The following BCL2 variants were observed in gnomAD, a reference collection of about 807,000 sequenced individuals.
BCL2 encodes BCL2 apoptosis regulator, also known as apoptosis regulator Bcl-2.
BCL2 carries 1 observed loss-of-function variant against 14.2 expected under a neutral mutation model. The ratio of observed to expected loss-of-function variants is 0.07; its 90% CI spans 0.02 to 0.33. The LOEUF (loss-of-function observed/expected upper bound fraction) is 0.33. Ranked by LOEUF, BCL2 falls within the 10% of genes least tolerant of loss-of-function variation. BCL2 has a pLI of 0.99. For missense variants in BCL2, 247 were observed against 305.9 expected, an observed-to-expected ratio of 0.81 and a Z score of 1.44; for synonymous variants, 151 against 137.2, an observed-to-expected ratio of 1.10 and a Z score of -0.70.
chr18:63,212,460 T>C (rs1307968805), intron 2 of BCL2, among the ~76,000 whole-genome samples: 1 of 151,720 alleles, frequency 6.6e-6, no homozygotes, highest in East Asian at 1.9e-4. Context: ...CCACGTGAAG[T>C]AGACAGTCTC....
chr18:63,169,425 CTCTT>C (rs1239600143), intron 2 of BCL2, among the ~76,000 whole-genome samples: 6 of 117,694 alleles, frequency 5.1e-5, no homozygotes, highest in Middle Eastern at 4.0e-3. Context: ...CTCTCTCTCT[CTCTT>C]TCTTTTTCTT....
intron 2 of BCL2, among the ~76,000 whole-genome samples, chr18:63,260,294 TTTGAAAACGG>T (rs1316742711): frequency 1.3e-5 from 2 of 152,202 alleles, no homozygotes; most frequent in Non-Finnish European, 2.9e-5. Context: ...CAATGTATCA[TTTGAAAACGG>T]AGGCATAGTT....
chr18:63,127,939 T>C lies in BCL2; in HGVS notation c.*686A>G, dbSNP rs1049796772. ...CTTTCCTATGATTTAAGGGCATTTT[T>C]CCCATCGCTGTCCTTCGGCGTGGAA... On this transcript the variant is annotated 3_prime_UTR_variant, in exon 3 of 3. Coordinates refer to ENST00000333681, the MANE Select transcript of BCL2 (RefSeq NM_000633.3). 3 of 225,834 alleles carry C rather than the reference T, an allele frequency of 1.3e-5. No individual in the cohort carries two copies. Among genetic ancestry groups the C allele is most frequent in the African/African-American group, 6.7e-5 (3 of 44,892 alleles). The allele number at this position is 225,834 out of a possible 1,614,324, so 14.0% of individuals were successfully genotyped here.
intron 2 of BCL2, among the ~76,000 whole-genome samples, chr18:63,141,276 G>A (rs1420917231): frequency 6.6e-6 from 1 of 152,194 alleles, no homozygotes; most frequent in African/African-American, 2.4e-5. Context: ...TGCCAGAGCT[G>A]TGTTACTGTA....
intron 2 of BCL2, among the ~76,000 whole-genome samples, chr18:63,311,063 C>G (rs939025698): frequency 6.6e-6 from 1 of 151,344 alleles, no homozygotes; most frequent in Non-Finnish European, 1.5e-5. Flanking sequence ...ATATTTAAAG[C>G]TGATGATATA....
chr18:63,269,015 C>G (rs1269263535), intron 2 of BCL2, among the ~76,000 whole-genome samples: 1 of 151,506 alleles, frequency 6.6e-6, no homozygotes, highest in Non-Finnish European at 1.5e-5. Context: ...GTGGTGTCAT[C>G]ATAGCTCACT....
chr18:63,155,854 C>T (rs1379062756), intron 2 of BCL2, among the ~76,000 whole-genome samples: 5 of 152,120 alleles, frequency 3.3e-5, no homozygotes, highest in Non-Finnish European at 5.9e-5. Flanking sequence ...CCTCTCCCTT[C>T]CTGGGGCCCT....
intron 2 of BCL2, among the ~76,000 whole-genome samples, chr18:63,140,906 G>C (rs1914339112): frequency 6.6e-6 from 1 of 152,194 alleles, no homozygotes; most frequent in Non-Finnish European, 1.5e-5. Context: ...ACTGGCTTGT[G>C]ATGGATCCTC....
intron 2 of BCL2, among the ~76,000 whole-genome samples, chr18:63,265,507 T>G (rs1161090012): frequency 6.6e-6 from 1 of 152,212 alleles, no homozygotes; most frequent in African/African-American, 2.4e-5. Context: ...ATCACTTCTT[T>G]CTTTGAAACA....
rs1239649304 is a variant in BCL2 at position 63,302,252 on chromosome 18, G to A, written c.585+15830C>T. The A allele has an allele frequency of 3.8e-6, 3 of 790,328 alleles. No individual in the cohort carries two copies. In the African/African-American group the frequency reaches 5.7e-5, roughly 15 times the overall value. The allele number at this position is 790,328 out of a possible 1,614,324, so 49.0% of individuals were successfully genotyped here. A position where few individuals can be genotyped will look rare whatever the true frequency, so the allele number is the denominator to read the frequency against. ...GGAGGCTGAGGTTGCAGTGAGCCGG[G>A]ACTGCACCACTGCACTCCAGCCTGG... On this transcript the variant is annotated intron_variant, in intron 2 of 2. Transcript: ENST00000333681.
rs768917760 is a variant in BCL2 at position 63,125,958 on chromosome 18, A to G, written c.*2667T>C. The G allele has an allele frequency of 2.0e-4, 42 of 213,196 alleles. No homozygotes were observed. Among genetic ancestry groups the G allele is most frequent in the Admixed American group, 5.3e-4 (9 of 17,058 alleles). The allele number at this position is 213,196 out of a possible 1,614,324, so 13.2% of individuals were successfully genotyped here. The stretch of plus-strand genomic sequence containing the variant: ...ATACTCTGTGAATCCCGTTTGAACA[A>G]CAACAAAAGACAAAACAGGCTTTAT... On this transcript the variant is annotated 3_prime_UTR_variant, in exon 3 of 3. Transcript: ENST00000333681.
intron 2 of BCL2, among the ~76,000 whole-genome samples, chr18:63,298,090 A>T (rs1912850452): frequency 6.6e-6 from 1 of 151,878 alleles, no homozygotes; most frequent in Non-Finnish European, 1.5e-5. Context: ...AGCAAGACAG[A>T]CCCCCAATTA....
rs569050316 is a variant in BCL2 at position 63,297,577 on chromosome 18, C to G, written c.585+20505G>C. Among the ~76,000 whole-genome samples, 6 of 152,262 alleles carry G rather than the reference C, an allele frequency of 3.9e-5. No individual in the cohort carries two copies. The South Asian group carries it at 1.2e-3, about 32-fold the overall frequency. ...CCTTTTCTCAGTGCCTAGCACAGTG[C>G]CTTTTAGTGACTAAATGCCCAATCA... On this transcript the variant is annotated intron_variant, in intron 2 of 2. Coordinates refer to ENST00000333681, the MANE Select transcript of BCL2 (RefSeq NM_000633.3).
At chr18:63,139,644 C>T (rs1035795729) in intron 2 of BCL2, among the ~76,000 whole-genome samples, 3 of 152,220 alleles carry the variant, frequency 2.0e-5, no homozygotes, top group African/African-American at 7.2e-5. Context: ...TAAGGCACAC[C>T]TGAAGAGGCC....
At chr18:63,222,228 C>T (rs1191420025) in intron 2 of BCL2, among the ~76,000 whole-genome samples, 7 of 146,444 alleles carry the variant, frequency 4.8e-5, no homozygotes, top group Non-Finnish European at 8.9e-5. Flanking sequence ...GAGCCGAGAT[C>T]GCACCACTGC....
intron 2 of BCL2, among the ~76,000 whole-genome samples, chr18:63,252,263 A>G (rs1911339391): frequency 6.6e-6 from 1 of 152,240 alleles, no homozygotes; most frequent in Admixed American, 6.5e-5. Context: ...TTCGTGTCAC[A>G]TCTTACTGAC....
At chr18:63,283,432 T>C (rs1030340198) in intron 2 of BCL2, among the ~76,000 whole-genome samples, 4 of 152,206 alleles carry the variant, frequency 2.6e-5, no homozygotes, top group Admixed American at 2.6e-4. Flanking sequence ...GGTACCGTCT[T>C]TTCCTGCCTG....
At chr18:63,316,033 G>C (rs1913488502) in intron 2 of BCL2, 1 of 152,544 alleles carries the variant, frequency 6.6e-6, no homozygotes, top group Admixed American at 6.6e-5. Context: ...GTATGTCATT[G>C]TGGTTTGGCA....
At chr18:63,212,031 A>G (rs1910022879) in intron 2 of BCL2, among the ~76,000 whole-genome samples, 1 of 152,176 alleles carries the variant, frequency 6.6e-6, no homozygotes, top group Non-Finnish European at 1.5e-5. Context: ...TGTGGCCCTA[A>G]AAATACTCCA....
Sources: gnomAD v4.1 joint callset for allele counts (sites outside exome capture counted in the v4.1 genomes callset) on GRCh38, gnomAD v4.1.1 for gene constraint, MANE v1.5 for transcripts, NCBI Gene and HGNC (gene_info 2026-07-23, HGNC 2026-07-21) for gene names.